ZNF475: variants seen among roughly 807,000 people sequenced by gnomAD.
The protein encoded by ZNF475 is zinc finger protein 475.
At chr5:122,165,454 C>T in the ZNF475 span, among the ~76,000 whole-genome samples, 2 of 152,072 alleles carry the variant, frequency 1.3e-5, no homozygotes, top group African/African-American at 4.8e-5. Flanking sequence ...TGTCTATCTC[C>T]CCCGTGGTCA....
chr5:122,165,934 T>C, the ZNF475 span, among the ~76,000 whole-genome samples: 1 of 152,238 alleles, frequency 6.6e-6, no homozygotes, highest in Admixed American at 6.5e-5. Context: ...TAAAATGACC[T>C]CATCAAAAAG....
At chr5:122,171,338 A>AC in the ZNF475 span, among the ~76,000 whole-genome samples, 13 of 152,266 alleles carry the variant, frequency 8.5e-5, no homozygotes, top group African/African-American at 3.1e-4. Context: ...TATAAAAGTT[A>AC]CCCCACACTC....
the ZNF475 span, among the ~76,000 whole-genome samples, chr5:122,179,107 G>C: frequency 3.9e-5 from 6 of 152,078 alleles, no homozygotes; most frequent in Non-Finnish European, 8.8e-5. Context: ...TAACTGTTTT[G>C]GTAGCAGTAC....
the ZNF475 span, among the ~76,000 whole-genome samples, chr5:122,178,343 TAATTTATACTTGCACCAACAGTGTAAA>T: frequency 6.6e-6 from 1 of 152,242 alleles, no homozygotes; most frequent in African/African-American, 2.4e-5. Context: ...ATGGTTGAAC[TAATTTATACTTGCACCAACAGTGTAAA>T]AGCTTTCCTA....
At chr5:122,181,426 C>T in the ZNF475 span, among the ~76,000 whole-genome samples, 1 of 152,130 alleles carries the variant, frequency 6.6e-6, no homozygotes, top group Non-Finnish European at 1.5e-5. Flanking sequence ...TTTTTCAAAG[C>T]ACTGAAACTA....
the ZNF475 span, among the ~76,000 whole-genome samples, chr5:122,161,290 C>G: frequency 6.6e-6 from 1 of 152,206 alleles, no homozygotes; most frequent in African/African-American, 2.4e-5. Flanking sequence ...TGCTCTGATG[C>G]CATGGTCCCA....
the ZNF475 span, among the ~76,000 whole-genome samples, chr5:122,167,812 A>G: frequency 6.6e-6 from 1 of 152,080 alleles, no homozygotes; most frequent in Non-Finnish European, 1.5e-5. Context: ...ATCACCTTCC[A>G]CTTCTAGCCT....
chr5:122,171,737 C>G, the ZNF475 span, among the ~76,000 whole-genome samples: 15 of 151,480 alleles, frequency 9.9e-5, no homozygotes, highest in African/African-American at 3.6e-4. Context: ...ATTCTCTTCT[C>G]TATACTTTTT....
At chr5:122,181,605 T>C in the ZNF475 span, among the ~76,000 whole-genome samples, 1 of 152,208 alleles carries the variant, frequency 6.6e-6, no homozygotes, top group East Asian at 1.9e-4. Flanking sequence ...AGAAATCATA[T>C]GAGAATTGCC....
the ZNF475 span, among the ~76,000 whole-genome samples, chr5:122,181,377 C>A: frequency 6.6e-6 from 1 of 152,122 alleles, no homozygotes; most frequent in Admixed American, 6.5e-5. Flanking sequence ...TTTTAAAACT[C>A]GCATGAGTAA....
At chr5:122,170,455 G>A in the ZNF475 span, among the ~76,000 whole-genome samples, 4 of 152,112 alleles carry the variant, frequency 2.6e-5, no homozygotes, top group African/African-American at 4.8e-5. Context: ...ACACTTCATC[G>A]TGTTATTTAT....
the ZNF475 span, among the ~76,000 whole-genome samples, chr5:122,160,975 G>A: frequency 1.6e-4 from 25 of 152,124 alleles, no homozygotes; most frequent in Admixed American, 1.2e-3. Flanking sequence ...GCAGTGCAAC[G>A]CAATCTGTAA....
chr5:122,173,652 G>A, the ZNF475 span, among the ~76,000 whole-genome samples: 1 of 152,228 alleles, frequency 6.6e-6, no homozygotes, highest in Non-Finnish European at 1.5e-5. Flanking sequence ...CCAAATAGTG[G>A]CCAGCAAAAT....
At chr5:122,169,090 C>T in the ZNF475 span, among the ~76,000 whole-genome samples, 2 of 152,202 alleles carry the variant, frequency 1.3e-5, no homozygotes, top group African/African-American at 4.8e-5. Context: ...TTGTACACTT[C>T]CTCTAAGCAG....
the ZNF475 span, among the ~76,000 whole-genome samples, chr5:122,182,339 A>G: frequency 1.1e-4 from 17 of 152,352 alleles, no homozygotes; most frequent in African/African-American, 4.1e-4. Flanking sequence ...TAAAATACTC[A>G]GTCAACAGGT....
At chr5:122,176,661 GCA>G in the ZNF475 span, among the ~76,000 whole-genome samples, 1 of 152,256 alleles carries the variant, frequency 6.6e-6, no homozygotes, top group East Asian at 1.9e-4. Flanking sequence ...CTGCATGCCT[GCA>G]CCTTACAGGG....
the ZNF475 span, among the ~76,000 whole-genome samples, chr5:122,166,293 G>A: frequency 1.7e-4 from 26 of 151,762 alleles, no homozygotes; most frequent in African/African-American, 5.8e-4. Flanking sequence ...ACATACTAAT[G>A]AACTTTGAAG....
chr5:122,180,898 G>A, the ZNF475 span, among the ~76,000 whole-genome samples: 6 of 152,196 alleles, frequency 3.9e-5, no homozygotes, highest in Non-Finnish European at 8.8e-5. Flanking sequence ...AAAATGACCA[G>A]CTACTGAAAT....
chr5:122,168,225 G>A, the ZNF475 span, among the ~76,000 whole-genome samples: 1 of 152,018 alleles, frequency 6.6e-6, no homozygotes, highest in African/African-American at 2.4e-5. Flanking sequence ...TTGTATTTTT[G>A]TAGAGATGAG....
Sources: allele counts gnomAD v4.1 joint callset (sites outside exome capture counted in the v4.1 genomes callset), GRCh38; gene constraint gnomAD v4.1.1; transcripts MANE v1.5; gene names NCBI Gene and HGNC (gene_info 2026-07-23, HGNC 2026-07-21).